PRKN: variants seen among roughly 807,000 people sequenced by gnomAD.
PRKN encodes parkin RBR E3 ubiquitin protein ligase.
In PRKN, 56 loss-of-function variants were observed where a neutral mutation model predicts 59.5. The observed-to-expected ratio is 0.94, with a 90% confidence interval of 0.76 to 1.18. The LOEUF (loss-of-function observed/expected upper bound fraction) is 1.18. PRKN is among the 50% of genes most tolerant of loss of function. The pLI is 0.00. For missense variants in PRKN, 657 were observed against 596.4 expected (o/e 1.10, Z -1.06); for synonymous variants, 250 against 222.1 (o/e 1.13, Z -1.12).
At chr6:161,513,364 C>T (rs530975141) in intron 9 of PRKN, among the ~76,000 whole-genome samples, 1 of 152,094 alleles carries the variant, frequency 6.6e-6, no homozygotes, top group East Asian at 1.9e-4. Flanking sequence ...CCTCAGCCTC[C>T]CGGGTAGCTG....
chr6:161,868,531 A>G (rs929468336), intron 6 of PRKN, among the ~76,000 whole-genome samples: 2 of 152,152 alleles, frequency 1.3e-5, no homozygotes, highest in Non-Finnish European at 2.9e-5. Flanking sequence ...CAGTGAGCTG[A>G]GATCACACCA....
At chr6:162,543,570 G>A (rs1368415065) in intron 1 of PRKN, among the ~76,000 whole-genome samples, 2 of 152,008 alleles carry the variant, frequency 1.3e-5, no homozygotes, top group African/African-American at 4.8e-5. Context: ...CAGTCAGCTC[G>A]GCAAAACAAA....
intron 2 of PRKN, among the ~76,000 whole-genome samples, chr6:162,383,988 A>C (rs1189636439): frequency 6.6e-6 from 1 of 152,174 alleles, no homozygotes; most frequent in African/African-American, 2.4e-5. Context: ...CATGATATTA[A>C]AAAGAGTTAG....
At chr6:161,974,253 C>T (rs944850626) in intron 5 of PRKN, among the ~76,000 whole-genome samples, 5 of 152,270 alleles carry the variant, frequency 3.3e-5, no homozygotes, top group South Asian at 2.1e-4. Flanking sequence ...AAATTCCAGC[C>T]GAGAGTTTAG....
chr6:162,330,401 T>G (rs1311080137), intron 2 of PRKN, among the ~76,000 whole-genome samples: 4 of 152,198 alleles, frequency 2.6e-5, no homozygotes, highest in East Asian at 1.9e-4. Flanking sequence ...TTATTCTATC[T>G]GGTATTTGTG....
intron 9 of PRKN, among the ~76,000 whole-genome samples, chr6:161,481,808 G>A (rs953595662): frequency 6.4e-4 from 98 of 152,028 alleles, no homozygotes; most frequent in African/African-American, 2.3e-3. Context: ...GAACACATTA[G>A]TGAATTGGCA....
chr6:162,240,180 C>T (rs1252815282), intron 3 of PRKN, among the ~76,000 whole-genome samples: 1 of 152,188 alleles, frequency 6.6e-6, no homozygotes, highest in Admixed American at 6.5e-5. Context: ...AGCTCCCCAG[C>T]AGCTCTGAGC....
chr6:161,989,991 A>G (rs67597312), intron 5 of PRKN, among the ~76,000 whole-genome samples: 35,556 of 151,978 alleles, frequency 0.23, 4,722 homozygotes, highest in African/African-American at 0.37. Context: ...TGGTGCCTGC[A>G]TATGCTGACT....
chr6:161,683,645 T>C (rs1481580432), intron 7 of PRKN, among the ~76,000 whole-genome samples: 3 of 152,092 alleles, frequency 2.0e-5, no homozygotes, highest in Non-Finnish European at 4.4e-5. Flanking sequence ...GGCAGGGTGG[T>C]GTGGGGCGAA....
chr6:162,250,396 A>C (rs1779385720), intron 3 of PRKN, among the ~76,000 whole-genome samples: 1 of 152,132 alleles, frequency 6.6e-6, no homozygotes, highest in African/African-American at 2.4e-5. Flanking sequence ...TCAATGGTTT[A>C]ATATCCTCCC....
Position 161,428,436 on chromosome 6 carries a change from C to T in PRKN, c.1084-41559G>A, listed in dbSNP as rs117195922. Reference sequence around the variant, plus strand: ...GAGTCTGTGAGCTTCAGGGTCCACACGAGCCTCATGGAGAGACAGGCGGCT... The same window carrying T: ...GAGTCTGTGAGCTTCAGGGTCCACATGAGCCTCATGGAGAGACAGGCGGCT... On this transcript the variant is annotated intron_variant, in intron 9 of 11. Transcript: ENST00000366898. This position sits in a 1 kb window ranked among gnomAD's most constrained non-coding sequence, Gnocchi z 4.0. Among the ~76,000 whole-genome samples the T allele has an allele frequency of 6.0e-3, 915 of 152,232 alleles. 9 individuals carry two copies. The highest frequency in any genetic ancestry group is 0.02 in the Middle Eastern group (6 of 294).
At chr6:162,093,793 C>T (rs930186754) in intron 4 of PRKN, among the ~76,000 whole-genome samples, 1 of 152,178 alleles carries the variant, frequency 6.6e-6, no homozygotes, top group African/African-American at 2.4e-5. Flanking sequence ...ATCCATGCTT[C>T]TCAGCAGCTA....
At chr6:162,049,617 C>T (rs7769166) in intron 5 of PRKN, among the ~76,000 whole-genome samples, 134,396 of 152,206 alleles carry the variant, frequency 0.88, 59,510 homozygotes, top group African/African-American at 0.95. Flanking sequence ...ATTCCCTGTT[C>T]AAATACAAAT....
rs1784654765 is a variant in PRKN, at chr6:161,353,914, G to GA, written c.1286-3704dup. Among the ~76,000 whole-genome samples the GA allele has an allele frequency of 6.6e-6, 1 of 152,132 alleles. No individual in the cohort carries two copies. Among genetic ancestry groups the GA allele is most frequent in the Admixed American group, 6.5e-5 (1 of 15,274 alleles). ...ACTGATTGCTTGCTTGGTGCGTGGGGAAAAACCCCCGCACATTCCGTCACA... is the reference window on the plus strand; with the variant it reads ...ACTGATTGCTTGCTTGGTGCGTGGGGAAAAAACCCCCGCACATTCCGTCACA... On this transcript the variant is annotated intron_variant, in intron 11 of 11. Coordinates refer to ENST00000366898, the MANE Select transcript of PRKN (RefSeq NM_004562.3). This position sits in a 1 kb window ranked among gnomAD's most constrained non-coding sequence, Gnocchi z 4.8.
At chr6:162,177,825 G>C (rs2128321891) in intron 4 of PRKN, among the ~76,000 whole-genome samples, 1 of 152,248 alleles carries the variant, frequency 6.6e-6, no homozygotes, top group Non-Finnish European at 1.5e-5. Context: ...TAAATAAAGA[G>C]CCATAGATCA....
intron 9 of PRKN, among the ~76,000 whole-genome samples, chr6:161,477,255 C>T (rs993572835): frequency 2.6e-5 from 4 of 152,266 alleles, no homozygotes; most frequent in African/African-American, 9.6e-5. Context: ...CGGTGGCTCA[C>T]GCCTGTAATC....
At position 161,716,263 on chromosome 6, in the gene PRKN, A is replaced by G. The variant is rs1583046104; in HGVS notation, c.871+69509T>C. On this transcript the variant is annotated intron_variant, in intron 7 of 11. Transcript: ENST00000366898. ...AGATGTCAGTGCTGATAAAGAATTC[A>G]GAAATGAGGAGGAACTAGAGGCATT... is the stretch of plus-strand genomic sequence containing the variant. 7 of 460,690 alleles carry G rather than the reference A, an allele frequency of 1.5e-5. No homozygotes were observed. The East Asian group carries it at 3.5e-4, about 23-fold the overall frequency. 28.5% of individuals were successfully genotyped at this position (460,690 alleles called of 1,614,324 possible).
intron 3 of PRKN, among the ~76,000 whole-genome samples, chr6:162,223,661 A>ACACACACACACACAC (rs11452001): frequency 3.5e-4 from 21 of 60,792 alleles, no homozygotes; most frequent in African/African-American, 1.4e-3. Flanking sequence ...ACACACACAC[A>ACACACACACACACAC]AACATAATGC....
intron 6 of PRKN, among the ~76,000 whole-genome samples, chr6:161,869,791 A>C (rs978080040): frequency 6.6e-6 from 1 of 152,154 alleles, no homozygotes; most frequent in Non-Finnish European, 1.5e-5. Context: ...CCCAGGGCAG[A>C]CCACAGTTCT....
Sources: allele counts gnomAD v4.1 joint callset (sites outside exome capture counted in the v4.1 genomes callset), GRCh38; gene constraint gnomAD v4.1.1; non-coding constraint Gnocchi (gnomAD v3.1); transcripts MANE v1.5; gene names NCBI Gene and HGNC (gene_info 2026-07-23, HGNC 2026-07-21).